XRCC5: variants seen among roughly 807,000 people sequenced by gnomAD.
The protein encoded by XRCC5 is X-ray repair cross complementing 5, also known as DNA repair protein Ku80.
Under a neutral mutation model 95.7 loss-of-function variants are expected in XRCC5, and 12 were observed. The ratio of observed to expected loss-of-function variants is 0.13; its 90% CI spans 0.08 to 0.20. The LOEUF (loss-of-function observed/expected upper bound fraction) is 0.20, where lower values mean the gene tolerates loss of function less well. Among genes scored for constraint, XRCC5 ranks in the 10% least tolerant of loss-of-function variants. The pLI, the probability that XRCC5 is intolerant of heterozygous loss-of-function variation, is 1.00. For missense variants in XRCC5, 595 were observed against 873.9 expected, an observed-to-expected ratio of 0.68 and a Z score of 4.02; for synonymous variants, 281 against 290.3, an observed-to-expected ratio of 0.97 and a Z score of 0.33.
intron 18 of XRCC5, 126 bp from the exon 19 acceptor site, chr2:216,194,793 G>A (rs1689684346): frequency 4.6e-6 from 4 of 873,934 alleles, no homozygotes; most frequent in South Asian, 1.5e-5. Flanking sequence ...CAACATAGTG[G>A]GACCCTGTCT....
rs758207303 is a variant in XRCC5 at position 216,160,049 on chromosome 2, T to A, written c.1671-19T>A. 12 of 1,363,734 alleles carry A rather than the reference T, an allele frequency of 8.8e-6. No homozygotes were observed. Among genetic ancestry groups the A allele is most frequent in the South Asian group, 2.7e-5 (2 of 74,058 alleles). The allele number at this position is 1,363,734 out of a possible 1,614,324, so 84.5% of individuals were successfully genotyped here. On this transcript the variant is annotated intron_variant, in intron 14 of 20. Coordinates refer to ENST00000392132, the MANE Select transcript of XRCC5 (RefSeq NM_021141.4). ...TTTGTATTGTTTGTTCTAAGAGAAA[T>A]TTTTTTTTTCTTTTCTAGCCATGAA... is the stretch of plus-strand genomic sequence containing the variant.
chr2:216,183,701 A>G (rs1466000691), intron 16 of XRCC5, among the ~76,000 whole-genome samples: 1 of 152,122 alleles, frequency 6.6e-6, no homozygotes, highest in Non-Finnish European at 1.5e-5. Flanking sequence ...AGATTGAGGA[A>G]GTTTGGGGCA....
intron 20 of XRCC5, 77 bp from the exon 21 acceptor site, chr2:216,205,111 T>C: frequency 6.4e-7 from 1 of 1,569,810 alleles, no homozygotes; most frequent in Non-Finnish European, 8.8e-7. Flanking sequence ...TCATTTTCAT[T>C]AAACCCTCTC....
At chr2:216,171,587 C>G (rs1689166960) in intron 16 of XRCC5, among the ~76,000 whole-genome samples, 1 of 152,168 alleles carries the variant, frequency 6.6e-6, no homozygotes, top group Non-Finnish European at 1.5e-5. Flanking sequence ...GTTCATGTCT[C>G]TCAGTGGTAA....
rs77165610 is a variant in XRCC5, at chr2:216,164,724, G to A, written c.1834+2676G>A. Reference sequence around the variant, plus strand: ...AGTGGGTGAATTTACGCACAGTCACGGCCTTCTACAATACGTTTCAAACTC... The same window carrying A: ...AGTGGGTGAATTTACGCACAGTCACAGCCTTCTACAATACGTTTCAAACTC... On this transcript the variant is annotated intron_variant, in intron 16 of 20. Transcript: ENST00000392132. Among the ~76,000 whole-genome samples the A allele has an allele frequency of 1.8e-3, 270 of 152,286 alleles. 1 individual carries two copies. The highest frequency in any genetic ancestry group is 6.0e-3 in the African/African-American group (251 of 41,548).
At chr2:216,123,110 T>C (rs1696839512) in intron 6 of XRCC5, among the ~76,000 whole-genome samples, 1 of 152,168 alleles carries the variant, frequency 6.6e-6, no homozygotes, top group Non-Finnish European at 1.5e-5. Flanking sequence ...CTGCTTGATA[T>C]TCTTGAATTA....
At chr2:216,171,661 G>A (rs1689168240) in intron 16 of XRCC5, among the ~76,000 whole-genome samples, 1 of 152,134 alleles carries the variant, frequency 6.6e-6, no homozygotes, top group African/African-American at 2.4e-5. Context: ...GAAGTCAGGA[G>A]CCATTGCTCA....
intron 19 of XRCC5, among the ~76,000 whole-genome samples, chr2:216,202,138 G>A (rs1689843495): frequency 6.6e-6 from 1 of 152,194 alleles, no homozygotes; most frequent in Non-Finnish European, 1.5e-5. Flanking sequence ...CATACAAGAT[G>A]TAGTGGACTA....
chr2:216,191,940 G>T (rs1467469876), intron 17 of XRCC5, among the ~76,000 whole-genome samples: 1 of 152,166 alleles, frequency 6.6e-6, no homozygotes. Flanking sequence ...AGGGTTATGG[G>T]AGAAGAAGGT....
chr2:216,172,997 ATGT>A (rs1045168325), intron 16 of XRCC5, among the ~76,000 whole-genome samples: 7 of 152,082 alleles, frequency 4.6e-5, no homozygotes, highest in Non-Finnish European at 2.9e-5. Context: ...CTTTTTGATG[ATGT>A]TGTGAGTGGA....
chr2:216,156,760 G>A, intron 14 of XRCC5: 2 of 531,788 alleles, frequency 3.8e-6, no homozygotes, highest in South Asian at 2.8e-5. Flanking sequence ...TGCTCCATTG[G>A]AACAAAGTCT....
intron 16 of XRCC5, among the ~76,000 whole-genome samples, chr2:216,184,565 C>T (rs894244119): frequency 6.6e-6 from 1 of 152,214 alleles, no homozygotes; most frequent in Admixed American, 6.5e-5. Flanking sequence ...CAACTTCTGC[C>T]TCCCAGGCTC....
chr2:216,135,364 G>A (rs531200826), intron 10 of XRCC5, among the ~76,000 whole-genome samples: 7 of 152,186 alleles, frequency 4.6e-5, no homozygotes, highest in African/African-American at 4.8e-5. Context: ...CAAAGGCCAA[G>A]TATGAGACCT....
chr2:216,182,246 A>G (rs530368216), intron 16 of XRCC5, among the ~76,000 whole-genome samples: 15 of 152,094 alleles, frequency 9.9e-5, no homozygotes, highest in Non-Finnish European at 1.5e-4. Flanking sequence ...TCAATTACCA[A>G]CTTTTAATTG....
intron 1 of XRCC5, chr2:216,110,674 C>T (rs1696570589): frequency 6.6e-6 from 1 of 152,176 alleles, no homozygotes; most frequent in East Asian, 1.9e-4. Flanking sequence ...ATATTTGAAA[C>T]CCTTTGATGG....
chr2:216,186,979 T>C (rs901480559), intron 16 of XRCC5, among the ~76,000 whole-genome samples: 2 of 152,218 alleles, frequency 1.3e-5, no homozygotes, highest in African/African-American at 4.8e-5. Context: ...CTTGTTTACA[T>C]CCCTTTTGAT....
chr2:216,199,714 C>T (rs2106053385), intron 19 of XRCC5, among the ~76,000 whole-genome samples: 1 of 151,782 alleles, frequency 6.6e-6, no homozygotes, highest in Middle Eastern at 3.4e-3. Flanking sequence ...AAGTCACCGG[C>T]CAGGAATCTA....
chr2:216,184,032 C>G (rs1689442916), intron 16 of XRCC5, among the ~76,000 whole-genome samples: 1 of 145,734 alleles, frequency 6.9e-6, no homozygotes, highest in African/African-American at 2.6e-5. Flanking sequence ...TAAGTCAGCA[C>G]TGTGTGTGTG....
chr2:216,127,455 C>CAG, intron 7 of XRCC5, 81 bp from the exon 8 acceptor site: 1 of 1,475,656 alleles, frequency 6.8e-7, no homozygotes, highest in Non-Finnish European at 9.0e-7. Flanking sequence ...TTGTCTGTGC[C>CAG]AGAGAGTGTA....
Sources: allele counts gnomAD v4.1 joint callset (sites outside exome capture counted in the v4.1 genomes callset), GRCh38; gene constraint gnomAD v4.1.1; transcripts MANE v1.5; gene names NCBI Gene and HGNC (gene_info 2026-07-23, HGNC 2026-07-21).